Variants in GRM5 observed in about 807,000 individuals in gnomAD.
GRM5 encodes glutamate metabotropic receptor 5.
Under a neutral mutation model 83.1 loss-of-function variants are expected in GRM5, and 19 were observed. That is an observed-to-expected ratio of 0.23 (90% CI 0.16 to 0.34). The LOEUF (loss-of-function observed/expected upper bound fraction) is 0.34, where lower values mean the gene tolerates loss of function less well. Among genes scored for constraint, GRM5 ranks in the 10% least tolerant of loss-of-function variants. GRM5 has a pLI of 1.00. For missense variants in GRM5, 1,160 were observed against 1,588.3 expected, an observed-to-expected ratio of 0.73 and a Z score of 4.58; for synonymous variants, 675 against 633.6, an observed-to-expected ratio of 1.07 and a Z score of -0.98.
At chr11:89,018,707 A>C (rs537205215) in intron 2 of GRM5, among the ~76,000 whole-genome samples, 2 of 152,308 alleles carry the variant, frequency 1.3e-5, no homozygotes, top group South Asian at 4.1e-4. Context: ...GATAGTGGGA[A>C]GTTATGGGAT....
intron 2 of GRM5, among the ~76,000 whole-genome samples, chr11:88,872,376 C>G (rs923691831): frequency 1.3e-5 from 2 of 151,358 alleles, no homozygotes; most frequent in Non-Finnish European, 3.0e-5. Context: ...TTAAAGTGAG[C>G]CTTCTAAAAG....
intron 3 of GRM5, among the ~76,000 whole-genome samples, chr11:88,782,743 A>G (rs1033844244): frequency 6.6e-6 from 1 of 152,140 alleles, no homozygotes; most frequent in Non-Finnish European, 1.5e-5. Context: ...CTCTGTGAAT[A>G]TAATTCCCAA....
intron 3 of GRM5, among the ~76,000 whole-genome samples, chr11:88,814,349 C>T (rs959624952): frequency 5.3e-5 from 8 of 152,058 alleles, no homozygotes; most frequent in Non-Finnish European, 7.4e-5. Flanking sequence ...CACAGAGGGC[C>T]TTTTTTGGGT....
intron 3 of GRM5, among the ~76,000 whole-genome samples, chr11:88,699,287 A>T (rs1435545539): frequency 6.6e-6 from 1 of 152,148 alleles, no homozygotes; most frequent in Non-Finnish European, 1.5e-5. Context: ...TTTTTAAAAA[A>T]AGCATATGAA....
intron 3 of GRM5, among the ~76,000 whole-genome samples, chr11:88,671,016 G>A (rs934641718): frequency 6.6e-6 from 1 of 151,928 alleles, no homozygotes. Context: ...CACTGACAGA[G>A]CAGGAGCATC....
At chr11:88,982,344 A>T (rs978059291) in intron 2 of GRM5, among the ~76,000 whole-genome samples, 3 of 152,240 alleles carry the variant, frequency 2.0e-5, no homozygotes, top group African/African-American at 7.2e-5. Flanking sequence ...AATAAGTGAT[A>T]TATAAACCTT....
chr11:88,579,709 T>G (rs146134864), intron 7 of GRM5, among the ~76,000 whole-genome samples: 43 of 152,236 alleles, frequency 2.8e-4, no homozygotes, highest in Admixed American at 8.5e-4. Context: ...GAAAAGTAGG[T>G]CAGACACATG....
chr11:88,770,450 T>C (rs976632018), intron 3 of GRM5, among the ~76,000 whole-genome samples: 3 of 152,146 alleles, frequency 2.0e-5, no homozygotes, highest in African/African-American at 7.2e-5. Context: ...AGAGGTAATG[T>C]AGGAATTCTT....
intron 2 of GRM5, among the ~76,000 whole-genome samples, chr11:88,915,686 A>AT (rs1945578140): frequency 1.3e-5 from 2 of 152,134 alleles, no homozygotes; most frequent in Admixed American, 1.3e-4. Flanking sequence ...TTGACAATCC[A>AT]TTTCTTCAGT....
chr11:88,809,316 A>C (rs1421175607), intron 3 of GRM5, among the ~76,000 whole-genome samples: 1 of 152,022 alleles, frequency 6.6e-6, no homozygotes, highest in Admixed American at 6.6e-5. Flanking sequence ...TTATTCTAAT[A>C]AGCTCTTAAC....
At position 88,509,320 on chromosome 11, in the gene GRM5, C is replaced by A; in HGVS notation, c.2911G>T (p.Ala971Ser). ...LGAGAGAGGS[A>S]GGVGATGGAG... is the part of the protein sequence containing the mutation. Reference sequence around the variant, plus strand: ...CCGCCCGTGGCCCCCACGCCCCCAGCGCTCCCGCCTGCGCCAGCGCCAGCG... The same window carrying A: ...CCGCCCGTGGCCCCCACGCCCCCAGAGCTCCCGCCTGCGCCAGCGCCAGCG... Residue 971 changes from alanine (A) to serine (S), a missense_variant, in exon 10 of 10, where the codon GCT becomes TCT. By Grantham distance (99) the Ala-to-Ser change is moderately conservative. Transcript: ENST00000305447. The A allele has an allele frequency of 6.3e-7, 1 of 1,590,698 alleles. No individual in the cohort carries two copies. The highest frequency in any genetic ancestry group is 8.5e-7 in the Non-Finnish European group (1 of 1,170,716).
At chr11:88,970,923 T>TCACC (rs1939147842) in intron 2 of GRM5, among the ~76,000 whole-genome samples, 1 of 152,128 alleles carries the variant, frequency 6.6e-6, no homozygotes, top group Non-Finnish European at 1.5e-5. Context: ...CTGCCCTCTT[T>TCACC]TACCTTCTTC....
At chr11:88,819,789 C>G (rs1052732634) in intron 3 of GRM5, among the ~76,000 whole-genome samples, 1 of 151,976 alleles carries the variant, frequency 6.6e-6, no homozygotes, top group Non-Finnish European at 1.5e-5. Context: ...CTGGGCAGTC[C>G]AAGGTTCAAG....
intron 2 of GRM5, among the ~76,000 whole-genome samples, chr11:88,964,164 C>T (rs187081823): frequency 8.5e-5 from 13 of 152,110 alleles, no homozygotes; most frequent in African/African-American, 2.4e-4. Context: ...GTAGGCAGCC[C>T]TGAAAAAGTA....
chr11:88,634,146 T>G (rs1211184510), intron 4 of GRM5, among the ~76,000 whole-genome samples: 1 of 152,180 alleles, frequency 6.6e-6, no homozygotes, highest in Non-Finnish European at 1.5e-5. Context: ...TTACAATGAA[T>G]AGAGCTTGCA....
chr11:88,941,181 C>A (rs1182825051), intron 2 of GRM5, among the ~76,000 whole-genome samples: 1 of 151,344 alleles, frequency 6.6e-6, no homozygotes, highest in Non-Finnish European at 1.5e-5. Context: ...ACAAGGTGAG[C>A]CTGAAGCACC....
intron 2 of GRM5, among the ~76,000 whole-genome samples, chr11:88,914,814 C>T (rs1945562504): frequency 1.3e-5 from 2 of 152,060 alleles, no homozygotes. Flanking sequence ...TTCTTCTTTT[C>T]TCAAACGTAA....
chr11:88,962,897 T>C (rs192247292), intron 2 of GRM5, among the ~76,000 whole-genome samples: 19 of 152,292 alleles, frequency 1.2e-4, no homozygotes, highest in Non-Finnish European at 1.8e-4. Context: ...GACACCATCC[T>C]GGCCAACATG....
chr11:88,914,354 G>T (rs114392179), intron 2 of GRM5, among the ~76,000 whole-genome samples: 5,541 of 152,240 alleles, frequency 0.036, 162 homozygotes, highest in African/African-American at 0.072. Context: ...ATATAGTAGT[G>T]ACCAATCACA....
Sources: allele counts gnomAD v4.1 joint callset (sites outside exome capture counted in the v4.1 genomes callset), GRCh38; gene constraint gnomAD v4.1.1; transcripts MANE v1.5; gene names NCBI Gene and HGNC (gene_info 2026-07-23, HGNC 2026-07-21).